The following BNIP5 variants were observed in gnomAD, a reference collection of about 807,000 sequenced individuals.
BNIP5 encodes protein BNIP5.
BNIP5 carries 61 observed loss-of-function variants against 67.3 expected under a neutral mutation model. The ratio of observed to expected loss-of-function variants is 0.91; its 90% CI spans 0.74 to 1.12. BNIP5 has a LOEUF of 1.12. Ranked by LOEUF, BNIP5 falls within the 50% of genes most tolerant of loss-of-function variation. BNIP5 has a pLI of 0.00. For missense variants in BNIP5, 826 were observed against 816.3 expected, an observed-to-expected ratio of 1.01 and a Z score of -0.14; for synonymous variants, 317 against 319.0, an observed-to-expected ratio of 0.99 and a Z score of 0.07.
chr6:36,330,680 G>A lies in BNIP5; in HGVS notation c.11C>T (p.Pro4Leu). The A allele has an allele frequency of 6.3e-7, 1 of 1,575,116 alleles. No individual in the cohort carries two copies. Among genetic ancestry groups the A allele is most frequent in the Non-Finnish European group, 8.6e-7 (1 of 1,167,672 alleles). ...CGCCAGGGGCCTCCTTGGGCACCTTGGATTCTCCATCGGGCTGCAACCAAA... is the reference window on the plus strand; with the variant it reads ...CGCCAGGGGCCTCCTTGGGCACCTTAGATTCTCCATCGGGCTGCAACCAAA... Reference protein sequence around the residue: MENPRCPRRPLAEK... With the variant: MENLRCPRRPLAEK... The change falls in exon 2 of 12, where the codon CCA becomes CTA. Residue 4 changes from proline to leucine, a missense_variant. Pro to Leu is a moderately conservative substitution (Grantham distance 98). Transcript: ENST00000437635.
chr6:36,324,987 G>A (rs1243797262), intron 6 of BNIP5, among the ~76,000 whole-genome samples: 3 of 151,988 alleles, frequency 2.0e-5, no homozygotes, highest in Non-Finnish European at 4.4e-5. Flanking sequence ...TCAAACCAAG[G>A]TCCATAAGAT....
chr6:36,335,828 C>G (rs369139771), intron 1 of BNIP5, among the ~76,000 whole-genome samples: 2 of 152,140 alleles, frequency 1.3e-5, no homozygotes, highest in Admixed American at 1.3e-4. Context: ...CCACTTCTCC[C>G]GATTCAAATC....
chr6:36,319,374 T>C lies in BNIP5; in HGVS notation c.1905A>G (p.Pro635=), dbSNP rs1305110760. 1.2e-6 allele frequency: 2 copies of C among 1,613,966 alleles called. No individual in the cohort carries two copies. Among genetic ancestry groups the C allele is most frequent in the South Asian group, 1.1e-5 (1 of 91,080 alleles). ...LRDHYNCTQF[P]YREDQPNITS... is the part of the protein sequence containing the mutation. ...CTCTCACCGGCTGGTCCTCCCTGTATGGGAACTGGGTGCAATTGTAGTGGT... is the reference window on the plus strand; with the variant it reads ...CTCTCACCGGCTGGTCCTCCCTGTACGGGAACTGGGTGCAATTGTAGTGGT... The change falls in exon 11 of 12, where the codon CCA becomes CCG. Residue 635 remains proline, a synonymous_variant. Coordinates refer to ENST00000437635, the MANE Select transcript of BNIP5 (RefSeq NM_001010903.5).
At chr6:36,329,760 A>G (rs1004451089) in intron 2 of BNIP5, among the ~76,000 whole-genome samples, 2 of 152,010 alleles carry the variant, frequency 1.3e-5, no homozygotes, top group African/African-American at 4.8e-5. Context: ...GCAGTGAGCC[A>G]AGATCATGCC....
chr6:36,323,422 G>A lies in BNIP5; in HGVS notation c.1342C>T (p.His448Tyr). 6.2e-6 allele frequency: 10 copies of A among 1,614,278 alleles called. No individual in the cohort carries two copies. Among genetic ancestry groups the A allele is most frequent in the Non-Finnish European group, 8.5e-6 (10 of 1,180,054 alleles). ...SFRRAFYHKKHTSKEPRRAGA... is the reference protein window; with the variant it reads ...SFRRAFYHKKYTSKEPRRAGA... ...GCTCTTCTGGGTTCCTTGGAGGTGT[G>A]TTTCTTATGGTAAAACGCTCTCCTG... Residue 448 changes from histidine to tyrosine, a missense_variant, in exon 8 of 12, where the codon CAC becomes TAC. Physicochemically the swap from His to Tyr is moderately conservative, Grantham distance 83. Coordinates refer to ENST00000437635, the MANE Select transcript of BNIP5 (RefSeq NM_001010903.5).
chr6:36,318,904 A>T (rs1354282911), intron 11 of BNIP5, among the ~76,000 whole-genome samples: 1 of 152,186 alleles, frequency 6.6e-6, no homozygotes, highest in Non-Finnish European at 1.5e-5. Flanking sequence ...GCCTTCCAGA[A>T]CCAACAGCCC....
intron 2 of BNIP5, among the ~76,000 whole-genome samples, chr6:36,329,689 G>A (rs1287467144): frequency 6.6e-6 from 1 of 152,076 alleles, no homozygotes; most frequent in African/African-American, 2.4e-5. Context: ...GTGGGCACCT[G>A]TAGTCCCAGC....
rs1771684531 is a variant in BNIP5 at position 36,323,501 on chromosome 6, T to C, written c.1263A>G (p.Val421=). The change falls in exon 8 of 12, where the codon GTA becomes GTG. Residue 421 remains valine (V), a synonymous_variant. Coordinates refer to ENST00000437635, the MANE Select transcript of BNIP5 (RefSeq NM_001010903.5). ...TTCTGCAGTGTGGGGCCGGGTTTTC[T>C]ACACCCACCTCTTCCTGCTGGACTT... ...QPQVQQEEVG[V]ENPAPHCRRK... The C allele has an allele frequency of 6.2e-7, 1 of 1,614,104 alleles. No individual in the cohort carries two copies. Among genetic ancestry groups the C allele is most frequent in the Admixed American group, 1.7e-5 (1 of 60,018 alleles).
At position 36,330,370 on chromosome 6, in the gene BNIP5, G is replaced by A. The variant is rs1207799617; in HGVS notation, c.321C>T (p.Phe107=). The A allele has an allele frequency of 1.4e-5, 22 of 1,613,976 alleles. No individual in the cohort carries two copies. The highest frequency in any genetic ancestry group is 1.5e-5 in the Non-Finnish European group (18 of 1,180,024). ...TGGGCTCCTCAGGGCCCGTCCTCAC[G>A]AAGAAGTTCAGCATGGTCTTCAGCC... ...KGWLKTMLNF[F]VRTGPEEPRE... Residue 107 remains phenylalanine (F), a synonymous_variant, in exon 2 of 12, where the codon TTC becomes TTT. Coordinates refer to ENST00000437635, the MANE Select transcript of BNIP5 (RefSeq NM_001010903.5).
intron 8 of BNIP5, 145 bp downstream of exon 8, chr6:36,323,148 C>T: frequency 8.4e-7 from 1 of 1,192,270 alleles, no homozygotes; most frequent in Non-Finnish European, 1.2e-6. Context: ...ACCCCCCACT[C>T]TACTCAGCAT....
chr6:36,328,591 G>C lies in BNIP5; in HGVS notation c.727+7C>G. ...AGGCAAAAAGGTCACTAGAGATTCC[G>C]ACTCACGGTCAGGCTTTTTGAGCTC... On this transcript the variant is annotated splice_region_variant and intron_variant, in intron 3 of 11. Transcript: ENST00000437635. The C allele has an allele frequency of 6.3e-7, 1 of 1,588,532 alleles. No individual in the cohort carries two copies. Among genetic ancestry groups the C allele is most frequent in the Non-Finnish European group, 8.6e-7 (1 of 1,156,738 alleles).
In BNIP5 at chr6:36,326,512, T is replaced by C. The variant is rs748242338; in HGVS notation, c.1034A>G (p.Tyr345Cys). Reference sequence around the variant, plus strand: ...TGGCAACTGCAGAGCCTGCTCACCATAGCTGCTGGAGATGGAAGGCCGATG... The same window carrying C: ...TGGCAACTGCAGAGCCTGCTCACCACAGCTGCTGGAGATGGAAGGCCGATG... ...SGHRPSISSSYGLEEPKVQEA... is the reference protein window; with the variant it reads ...SGHRPSISSSCGLEEPKVQEA... The change falls in exon 5 of 12, where the codon TAT becomes TGT. Residue 345 changes from tyrosine to cysteine, a missense_variant and splice_region_variant. By Grantham distance (194) the Tyr-to-Cys change is radical. Transcript: ENST00000437635. The C allele has an allele frequency of 4.3e-6, 7 of 1,614,172 alleles. No homozygotes were observed. In the South Asian group the frequency reaches 4.4e-5, roughly 10 times the overall value.
Position 36,317,248 on chromosome 6 carries a change from C to T in BNIP5, c.*108G>A, listed in dbSNP as rs905251138. On this transcript the variant is annotated 3_prime_UTR_variant, in exon 12 of 12. Transcript: ENST00000437635. ...GATTGTCTGCTCTTGTCTTCCATCA[C>T]GTTTGTGAAGCAGGGATTGGGACAT... 1.1e-5 allele frequency: 10 copies of T among 876,470 alleles called. No individual in the cohort carries two copies. The highest frequency in any genetic ancestry group is 3.9e-5 in the South Asian group (3 of 76,028). The allele number at this position is 876,470 out of a possible 1,614,324, so 54.3% of individuals were successfully genotyped here.
chr6:36,321,061 C>T, intron 10 of BNIP5, 94 bp downstream of exon 10: 2 of 759,426 alleles, frequency 2.6e-6, no homozygotes, highest in Non-Finnish European at 4.5e-6. Flanking sequence ...AAGGGACATG[C>T]TCAAAGTTGC....
At chr6:36,325,452 G>T (rs367833433) in intron 5 of BNIP5, 38 bp from the exon 6 acceptor site, 2 of 1,578,300 alleles carry the variant, frequency 1.3e-6, no homozygotes, top group Non-Finnish European at 1.7e-6. Context: ...TGTTTTGTCT[G>T]TCTGGGGCTG....
chr6:36,330,586 AT>A lies in BNIP5; in HGVS notation c.104del (p.His35LeufsTer66), dbSNP rs1280895553. The A allele has an allele frequency of 6.2e-6, 10 of 1,613,142 alleles. No individual in the cohort carries two copies. The highest frequency in any genetic ancestry group is 7.6e-6 in the Non-Finnish European group (9 of 1,180,006). ...AGGGGGCAGTGGGCAGGGAGAGCCA[AT>A]GGCAGTCCCACGACTCCGAGCCTTT... ...PGKGSESWDC[H>X]WLSLPTAPSR... On this transcript the variant is annotated frameshift_variant, in exon 2 of 12. Coordinates refer to ENST00000437635, the MANE Select transcript of BNIP5 (RefSeq NM_001010903.5). LOFTEE classifies it high-confidence loss of function.
rs776142226 is a variant in BNIP5 at position 36,319,362 on chromosome 6, G to A, written c.1917C>T (p.Asp639=). 1.2e-6 allele frequency: 2 copies of A among 1,613,722 alleles called. No homozygotes were observed. Among genetic ancestry groups the A allele is most frequent in the East Asian group, 4.5e-5 (2 of 44,886 alleles). ...CTTCCCCGCCCTCTCTCACCGGCTG[G>A]TCCTCCCTGTATGGGAACTGGGTGC... ...YNCTQFPYRE[D]QPNITSPKVE... is the part of the protein sequence containing the mutation. Residue 639 remains aspartate, a synonymous_variant, in exon 11 of 12, where the codon GAC becomes GAT. Transcript: ENST00000437635.
chr6:36,319,355 C>G lies in BNIP5; in HGVS notation c.1923+1G>C, dbSNP rs1771583015. 1 of 1,613,294 alleles carries G rather than the reference C, an allele frequency of 6.2e-7. No individual in the cohort carries two copies. Among genetic ancestry groups the G allele is most frequent in the Non-Finnish European group, 8.5e-7 (1 of 1,179,522 alleles). On this transcript the variant is annotated splice_donor_variant, in intron 11 of 11. Coordinates refer to ENST00000437635, the MANE Select transcript of BNIP5 (RefSeq NM_001010903.5). LOFTEE classifies it high-confidence loss of function. The stretch of plus-strand genomic sequence containing the variant: ...CCATTGTCTTCCCCGCCCTCTCTCA[C>G]CGGCTGGTCCTCCCTGTATGGGAAC...
chr6:36,327,212 C>A, intron 3 of BNIP5, 118 bp from the exon 4 acceptor site: 1 of 883,306 alleles, frequency 1.1e-6, no homozygotes. Context: ...GGAGGGAAAG[C>A]ACCACATCCC....
Sources: gnomAD v4.1 joint callset for allele counts (sites outside exome capture counted in the v4.1 genomes callset) on GRCh38, gnomAD v4.1.1 for gene constraint, MANE v1.5 for transcripts, NCBI Gene and HGNC (gene_info 2026-07-23, HGNC 2026-07-21) for gene names.